Variants in MAML2 observed in about 807,000 individuals in gnomAD.
The protein encoded by MAML2 is mastermind-like protein 2.
A neutral mutation model predicts 96.1 loss-of-function variants in MAML2; 22 were observed. The ratio of observed to expected loss-of-function variants is 0.23; its 90% CI spans 0.16 to 0.33. MAML2 has a LOEUF of 0.33. Among genes scored for constraint, MAML2 ranks in the 10% least tolerant of loss-of-function variants. MAML2 has a pLI of 1.00. For missense variants in MAML2, 1,367 were observed against 1,392.4 expected, an observed-to-expected ratio of 0.98 and a Z score of 0.29; for synonymous variants, 561 against 521.3, an observed-to-expected ratio of 1.08 and a Z score of -1.04.
At position 96,017,406 on chromosome 11, in the gene MAML2, C is replaced by T. The variant is rs1342365681; in HGVS notation, c.2140-25683G>A. Among the ~76,000 whole-genome samples, 4 of 150,920 alleles carry T rather than the reference C, an allele frequency of 2.7e-5. 1 individual carries two copies. The South Asian group carries it at 8.6e-4, about 32-fold the overall frequency. On this transcript the variant is annotated intron_variant, in intron 2 of 4. Coordinates refer to ENST00000524717, the MANE Select transcript of MAML2 (RefSeq NM_032427.4). Reference sequence around the variant, plus strand: ...CTTTTCTCCCTTCCCTCCCTCCCTCCCTCCCTTCCTTCCTTCCATAAAACA... The same window carrying T: ...CTTTTCTCCCTTCCCTCCCTCCCTCTCTCCCTTCCTTCCTTCCATAAAACA...
intron 2 of MAML2, among the ~76,000 whole-genome samples, chr11:96,024,930 T>C (rs1224529300): frequency 6.6e-6 from 1 of 152,244 alleles, no homozygotes; most frequent in Non-Finnish European, 1.5e-5. Flanking sequence ...AACTCTGTTA[T>C]ATGCTTATGG....
chr11:96,339,824 C>G (rs746539184), intron 1 of MAML2, among the ~76,000 whole-genome samples: 2 of 152,170 alleles, frequency 1.3e-5, no homozygotes, highest in African/African-American at 4.8e-5. Flanking sequence ...CCTAACATCT[C>G]TTTTTTCACA....
chr11:96,146,578 T>C (rs2135871959), intron 1 of MAML2, among the ~76,000 whole-genome samples: 1 of 152,302 alleles, frequency 6.6e-6, no homozygotes, highest in East Asian at 1.9e-4. Flanking sequence ...GATCACACCA[T>C]ATCATAGTTT....
At chr11:96,189,343 TTATG>T (rs1861620471) in intron 1 of MAML2, among the ~76,000 whole-genome samples, 1 of 152,248 alleles carries the variant, frequency 6.6e-6, no homozygotes, top group African/African-American at 2.4e-5. Context: ...TAGGAAATCT[TTATG>T]TATTAATGTA....
chr11:96,133,726 G>GC (rs1394285764), intron 1 of MAML2, among the ~76,000 whole-genome samples: 146 of 152,336 alleles, frequency 9.6e-4, no homozygotes, highest in African/African-American at 3.3e-3. Flanking sequence ...AGGCATGGGG[G>GC]CTCATGCCTA....
At chr11:96,151,966 T>C (rs1860931492) in intron 1 of MAML2, among the ~76,000 whole-genome samples, 1 of 152,210 alleles carries the variant, frequency 6.6e-6, no homozygotes. Flanking sequence ...CCTGTAATCT[T>C]GGCACTTTGG....
intron 1 of MAML2, among the ~76,000 whole-genome samples, chr11:96,293,542 A>C (rs1863245548): frequency 6.6e-6 from 1 of 152,232 alleles, no homozygotes; most frequent in East Asian, 1.9e-4. Flanking sequence ...TTTACTAAAA[A>C]GAGAAAGTTT....
intron 2 of MAML2, among the ~76,000 whole-genome samples, chr11:95,993,631 G>A (rs1266562046): frequency 1.3e-5 from 2 of 152,168 alleles, no homozygotes; most frequent in East Asian, 1.9e-4. Context: ...CATGAGTAGA[G>A]GTGGTAGGTA....
chr11:96,211,144 C>T (rs1009982961), intron 1 of MAML2, among the ~76,000 whole-genome samples: 1 of 151,932 alleles, frequency 6.6e-6, no homozygotes, highest in Non-Finnish European at 1.5e-5. Context: ...TTAGAGAAAC[C>T]TAAAAGTCAC....
intron 1 of MAML2, among the ~76,000 whole-genome samples, chr11:96,290,961 C>T (rs897196467): frequency 2.0e-5 from 3 of 151,844 alleles, no homozygotes; most frequent in Admixed American, 2.0e-4. Context: ...AGGCTTGTCA[C>T]TTTTTGTATG....
At chr11:96,201,127 T>C (rs916037547) in intron 1 of MAML2, among the ~76,000 whole-genome samples, 14 of 152,148 alleles carry the variant, frequency 9.2e-5, no homozygotes, top group Non-Finnish European at 1.3e-4. Context: ...ATCAGAGCAA[T>C]AGATATTTAG....
chr11:96,104,607 C>G (rs1484792717), intron 1 of MAML2, among the ~76,000 whole-genome samples: 1 of 152,156 alleles, frequency 6.6e-6, no homozygotes, highest in Non-Finnish European at 1.5e-5. Flanking sequence ...AAATGCTCTT[C>G]TAGTAATCCA....
chr11:96,055,425 AG>A (rs545043210), intron 2 of MAML2, among the ~76,000 whole-genome samples: 4 of 152,152 alleles, frequency 2.6e-5, no homozygotes, highest in Non-Finnish European at 2.9e-5. Flanking sequence ...GGAAAGAGGC[AG>A]GGGGGAAAAA....
At chr11:96,003,547 T>A (rs1358130527) in intron 2 of MAML2, among the ~76,000 whole-genome samples, 1 of 152,124 alleles carries the variant, frequency 6.6e-6, no homozygotes, top group Admixed American at 6.6e-5. Flanking sequence ...AAAAAGGGAT[T>A]TCAGTGAGTA....
intron 1 of MAML2, among the ~76,000 whole-genome samples, chr11:96,143,288 T>C (rs935596059): frequency 6.6e-6 from 1 of 152,198 alleles, no homozygotes; most frequent in African/African-American, 2.4e-5. Context: ...AGCTTAAATA[T>C]GCCTAATTAC....
At chr11:96,086,266 T>G (rs991403477) in intron 2 of MAML2, among the ~76,000 whole-genome samples, 1 of 152,232 alleles carries the variant, frequency 6.6e-6, no homozygotes, top group African/African-American at 2.4e-5. Context: ...ATTTTCATCA[T>G]ATGAACGAAT....
At chr11:96,083,673 GACGATAAGTCAATGGTATAATTTATT>G (rs1859562456) in intron 2 of MAML2, among the ~76,000 whole-genome samples, 1 of 152,176 alleles carries the variant, frequency 6.6e-6, no homozygotes, top group Non-Finnish European at 1.5e-5. Context: ...CAGAAGAAAG[GACGATAAGTCAATGGTATAATTTATT>G]TGTCCACATG....
chr11:96,189,395 T>C (rs1028156273), intron 1 of MAML2, among the ~76,000 whole-genome samples: 4 of 152,258 alleles, frequency 2.6e-5, no homozygotes, highest in East Asian at 1.9e-4. Flanking sequence ...TAGAAGAGAA[T>C]AGACTTTTAA....
intron 1 of MAML2, among the ~76,000 whole-genome samples, chr11:96,095,485 C>T (rs1859809749): frequency 6.6e-6 from 1 of 152,154 alleles, no homozygotes; most frequent in South Asian, 2.1e-4. Context: ...CAATTACTCC[C>T]TTCCATGGGA....
Sources: gnomAD v4.1 joint callset for allele counts (sites outside exome capture counted in the v4.1 genomes callset) on GRCh38, gnomAD v4.1.1 for gene constraint, MANE v1.5 for transcripts, NCBI Gene and HGNC (gene_info 2026-07-23, HGNC 2026-07-21) for gene names.